The following PLCB1 variants were observed in gnomAD, a reference collection of about 807,000 sequenced individuals.
PLCB1 encodes the protein phospholipase C beta 1.
A neutral mutation model predicts 161.8 loss-of-function variants in PLCB1; 46 were observed. That is an observed-to-expected ratio of 0.28 (90% CI 0.22 to 0.36). The LOEUF is 0.36. PLCB1 is among the 10% of genes least tolerant of loss of function. The probability of loss-of-function intolerance (pLI) is 1.00; values close to 1 mark genes in which losing one functional copy is unlikely to be tolerated. For synonymous variants in PLCB1, 517 were observed against 503.7 expected, an observed-to-expected ratio of 1.03 and a Z score of -0.35; for missense variants, 1,016 against 1,472.5, an observed-to-expected ratio of 0.69 and a Z score of 5.07.
chr20:8,662,096 T>TTATATATAATTATATA (rs1195019641), intron 9 of PLCB1, among the ~76,000 whole-genome samples: 4 of 27,692 alleles, frequency 1.4e-4, no homozygotes, highest in Non-Finnish European at 3.0e-4. Context: ...TAATAAATAA[T>TTATATATAATTATATA]TATATAATTA....
chr20:8,457,746 A>ACACACG (rs1981388720), intron 3 of PLCB1, among the ~76,000 whole-genome samples: 2 of 150,662 alleles, frequency 1.3e-5, no homozygotes, highest in Non-Finnish European at 3.0e-5. Context: ...ACACACACAC[A>ACACACG]CGTACACACC....
intron 31 of PLCB1, among the ~76,000 whole-genome samples, chr20:8,815,527 G>C (rs1985044361): frequency 6.6e-6 from 1 of 152,172 alleles, no homozygotes; most frequent in South Asian, 2.1e-4. Context: ...GATGGTAAGA[G>C]GTGGTGTTGA....
intron 3 of PLCB1, among the ~76,000 whole-genome samples, chr20:8,446,650 C>T (rs930180949): frequency 2.0e-5 from 3 of 152,188 alleles, no homozygotes; most frequent in African/African-American, 2.4e-5. Context: ...TTGTATATTT[C>T]GAAAACCCAA....
intron 9 of PLCB1, among the ~76,000 whole-genome samples, chr20:8,662,223 T>G (rs1199614095): frequency 1.1e-4 from 13 of 114,288 alleles, no homozygotes; most frequent in African/African-American, 4.6e-4. Flanking sequence ...ATAATTATTA[T>G]ATAATTCTAT....
intron 31 of PLCB1, among the ~76,000 whole-genome samples, chr20:8,847,808 C>G (rs1033867864): frequency 6.6e-6 from 1 of 152,208 alleles, no homozygotes; most frequent in African/African-American, 2.4e-5. Context: ...AAGAAGGATA[C>G]AGATCAACAG....
chr20:8,541,550 G>C (rs964196187), intron 3 of PLCB1, among the ~76,000 whole-genome samples: 1 of 61,538 alleles, frequency 1.6e-5, no homozygotes, highest in African/African-American at 9.9e-5. Context: ...CCCAGATAAT[G>C]AAAGGAAGAA....
intron 31 of PLCB1, among the ~76,000 whole-genome samples, chr20:8,843,325 C>T (rs924326734): frequency 6.6e-6 from 1 of 152,034 alleles, no homozygotes; most frequent in South Asian, 2.1e-4. Flanking sequence ...ATAATGGAAC[C>T]CCTGTAAAGT....
At chr20:8,139,760 G>C (rs749114677) in intron 1 of PLCB1, among the ~76,000 whole-genome samples, 4 of 152,088 alleles carry the variant, frequency 2.6e-5, no homozygotes, top group South Asian at 2.1e-4. Context: ...ATCCTCCCCA[G>C]GTGTGCTGTG....
chr20:8,812,943 G>A (rs1984902474), intron 31 of PLCB1, among the ~76,000 whole-genome samples: 1 of 152,212 alleles, frequency 6.6e-6, no homozygotes, highest in Admixed American at 6.5e-5. Flanking sequence ...TTTGAGAAGT[G>A]TTTCCGCTGT....
Position 8,222,545 on chromosome 20 carries a change from T to G in PLCB1, c.177+72174T>G, listed in dbSNP as rs569989414. 4.6e-5 allele frequency among the ~76,000 whole-genome samples: 7 copies of G among 152,270 alleles called. No homozygotes were observed. In the East Asian group the frequency reaches 5.8e-4, roughly 13 times the overall value. On this transcript the variant is annotated intron_variant, in intron 2 of 31. Coordinates refer to ENST00000338037, the MANE Select transcript of PLCB1 (RefSeq NM_015192.4). ...TTCAGCACTTATACTATGATGAATCTAAACATGAATTTCTTTGTATTTATT... is the reference window on the plus strand; with the variant it reads ...TTCAGCACTTATACTATGATGAATCGAAACATGAATTTCTTTGTATTTATT...
intron 31 of PLCB1, among the ~76,000 whole-genome samples, chr20:8,868,132 C>T (rs1987490719): frequency 6.6e-6 from 1 of 151,958 alleles, no homozygotes; most frequent in South Asian, 2.1e-4. Context: ...CGATTCTTTA[C>T]AGAAGTATTC....
At chr20:8,160,894 T>G (rs778219492) in intron 2 of PLCB1, among the ~76,000 whole-genome samples, 102 of 152,184 alleles carry the variant, frequency 6.7e-4, no homozygotes, top group Non-Finnish European at 1.3e-3. Flanking sequence ...ATATTTTAAA[T>G]TTACTTTAAG....
At chr20:8,777,575 C>T (rs191528273) in intron 27 of PLCB1, among the ~76,000 whole-genome samples, 229 of 151,946 alleles carry the variant, frequency 1.5e-3, no homozygotes, top group African/African-American at 5.3e-3. Flanking sequence ...AAAAATTAGC[C>T]AGGCATGGTG....
At chr20:8,369,678 G>A (rs1735879503) in intron 2 of PLCB1, among the ~76,000 whole-genome samples, 2 of 152,274 alleles carry the variant, frequency 1.3e-5, no homozygotes, top group South Asian at 4.1e-4. Flanking sequence ...ACACCCCAGG[G>A]GTTTGGGAGA....
intron 3 of PLCB1, among the ~76,000 whole-genome samples, chr20:8,568,866 A>T (rs890906131): frequency 6.6e-6 from 1 of 152,178 alleles, no homozygotes; most frequent in African/African-American, 2.4e-5. Context: ...GCGGGGAGAA[A>T]TAGAGAGAAG....
At chr20:8,859,092 T>C (rs1987166810) in intron 31 of PLCB1, among the ~76,000 whole-genome samples, 1 of 152,134 alleles carries the variant, frequency 6.6e-6, no homozygotes, top group African/African-American at 2.4e-5. Context: ...GCTACCTCTT[T>C]GCTGGTCCCT....
At chr20:8,620,747 C>CAAAAAAAAA (rs779029928) in intron 3 of PLCB1, among the ~76,000 whole-genome samples, 6 of 75,236 alleles carry the variant, frequency 8.0e-5, no homozygotes, top group African/African-American at 1.6e-4. Context: ...CTGCCCCCAC[C>CAAAAAAAAA]AAAAAAAAAA....
At chr20:8,376,739 T>C (rs909436487) in intron 3 of PLCB1, among the ~76,000 whole-genome samples, 6 of 151,892 alleles carry the variant, frequency 4.0e-5, no homozygotes, top group Non-Finnish European at 7.4e-5. Flanking sequence ...CCATCCTGGC[T>C]AACACAGTGA....
chr20:8,697,144 G>A (rs1044084167), intron 10 of PLCB1, among the ~76,000 whole-genome samples: 3 of 152,092 alleles, frequency 2.0e-5, no homozygotes, highest in African/African-American at 4.8e-5. Flanking sequence ...TAATAGAACA[G>A]TCTCCCAACA....
Sources: allele counts gnomAD v4.1 joint callset (sites outside exome capture counted in the v4.1 genomes callset), GRCh38; gene constraint gnomAD v4.1.1; transcripts MANE v1.5; gene names NCBI Gene and HGNC (gene_info 2026-07-23, HGNC 2026-07-21).